The following FER1L6 variants were observed in gnomAD, a reference collection of about 807,000 sequenced individuals.
The protein encoded by FER1L6 is fer-1 like family member 6, also known as fer-1-like protein 6.
In FER1L6, 177 loss-of-function variants were observed where a neutral mutation model predicts 219.2. The observed-to-expected ratio is 0.81, with a 90% CI of 0.71 to 0.91. The LOEUF (loss-of-function observed/expected upper bound fraction) is 0.91, where lower values mean the gene tolerates loss of function less well. Among genes scored for constraint, FER1L6 ranks in the 40% least tolerant of loss-of-function variants. The probability of loss-of-function intolerance (pLI) is 0.00; values close to 1 mark genes in which losing one functional copy is unlikely to be tolerated. For missense variants in FER1L6, 2,153 were observed against 2,259.9 expected (o/e 0.95, Z 0.96); for synonymous variants, 768 against 824.3 (o/e 0.93, Z 1.17).
chr8:123,902,933 T>C (rs1056791297), intron 1 of FER1L6, among the ~76,000 whole-genome samples: 2 of 152,212 alleles, frequency 1.3e-5, no homozygotes, highest in African/African-American at 2.4e-5. Context: ...TTCTGTTTTG[T>C]TGTGTTTCCA....
intron 1 of FER1L6, among the ~76,000 whole-genome samples, chr8:123,927,941 C>T (rs1450079467): frequency 6.6e-6 from 1 of 151,966 alleles, no homozygotes; most frequent in East Asian, 1.9e-4. Context: ...GAAATGGATG[C>T]AATGTGCATA....
rs775118630 is a variant in FER1L6 at position 124,013,487 on chromosome 8, A to T, written c.1878A>T (p.Glu626Asp). 1 of 1,610,700 alleles carries T rather than the reference A, an allele frequency of 6.2e-7. No individual in the cohort carries two copies. The highest frequency in any genetic ancestry group is 1.1e-5 in the South Asian group (1 of 90,414). Residue 626 changes from glutamate (E) to aspartate (D), a missense_variant, in exon 15 of 41, where the codon GAA (glutamate) becomes GAT (aspartate). By Grantham distance (45) the Glu-to-Asp change is conservative. Coordinates refer to ENST00000522917, the MANE Select transcript of FER1L6 (RefSeq NM_001039112.2). ...TCAAGATTTCACAGGAGGCACCTGA[A>T]GAGAAAATGAAAACAGTGCTCAGTG... ...ELIKISQEAP[E>D]EKMKTVLSDF...
chr8:123,975,239 G>T lies in FER1L6; in HGVS notation c.616G>T (p.Val206Phe). ...TKGYLKCDIS[V>F]MGKGDVLKTS... is the part of the protein sequence containing the mutation. ...GGGGTACCTGAAATGTGACATCAGT[G>T]TCATGGGAAAAGGTGATGTCTTGAA... Residue 206 changes from valine (V) to phenylalanine (F), a missense_variant, in exon 8 of 41, where the codon GTC (valine) becomes TTC (phenylalanine). Coordinates refer to ENST00000522917, the MANE Select transcript of FER1L6 (RefSeq NM_001039112.2). 2 of 1,613,338 alleles carry T rather than the reference G, an allele frequency of 1.2e-6. No individual in the cohort carries two copies. Among genetic ancestry groups the T allele is most frequent in the East Asian group, 4.5e-5 (2 of 44,846 alleles).
At chr8:123,856,061 TGA>T (rs1816635037) in intron 1 of FER1L6, among the ~76,000 whole-genome samples, 2 of 127,032 alleles carry the variant, frequency 1.6e-5, no homozygotes, top group South Asian at 2.7e-4. Flanking sequence ...CATATGTGTA[TGA>T]GATATATGTA....
intron 39 of FER1L6, among the ~76,000 whole-genome samples, chr8:124,106,686 A>G (rs1822789843): frequency 6.6e-6 from 1 of 152,096 alleles, no homozygotes; most frequent in African/African-American, 2.4e-5. Context: ...CTTCCTGGGT[A>G]TCCTCAGCCT....
chr8:123,877,726 A>T (rs527588191), intron 1 of FER1L6, among the ~76,000 whole-genome samples: 1 of 152,098 alleles, frequency 6.6e-6, no homozygotes, highest in African/African-American at 2.4e-5. Context: ...ATGTATGTGA[A>T]ATACGCTTCC....
chr8:123,859,539 GCT>G (rs1816707407), intron 1 of FER1L6, among the ~76,000 whole-genome samples: 1 of 145,934 alleles, frequency 6.9e-6, no homozygotes, highest in Admixed American at 6.9e-5. Context: ...CCACCTTTCT[GCT>G]CTGTTTCTTT....
chr8:123,987,003 T>A (rs1384846209), intron 12 of FER1L6, among the ~76,000 whole-genome samples: 1 of 152,234 alleles, frequency 6.6e-6, no homozygotes, highest in East Asian at 1.9e-4. Context: ...CTCTTCGATA[T>A]ACTGACTTCC....
chr8:124,118,217 T>C (rs923325186), intron 39 of FER1L6, among the ~76,000 whole-genome samples: 1 of 152,198 alleles, frequency 6.6e-6, no homozygotes, highest in African/African-American at 2.4e-5. Context: ...TCTCACCCTT[T>C]GATAAATCAA....
chr8:124,058,943 C>T (rs1246923680), intron 22 of FER1L6: 1 of 152,206 alleles, frequency 6.6e-6, no homozygotes, highest in Non-Finnish European at 1.5e-5. Context: ...ATTAGCTTAA[C>T]CACATCTGCT....
chr8:123,964,103 T>C (rs1327839355), intron 3 of FER1L6, among the ~76,000 whole-genome samples: 1 of 152,188 alleles, frequency 6.6e-6, no homozygotes, highest in Non-Finnish European at 1.5e-5. Flanking sequence ...ATGGTAGCAA[T>C]GGCAGGGTTC....
At chr8:123,952,407 A>G (rs1814810194) in intron 1 of FER1L6, among the ~76,000 whole-genome samples, 2 of 152,210 alleles carry the variant, frequency 1.3e-5, no homozygotes, top group Admixed American at 1.3e-4. Flanking sequence ...TGCCTCATTT[A>G]ATGCTCTTAT....
intron 39 of FER1L6, among the ~76,000 whole-genome samples, chr8:124,114,491 C>A (rs191174860): frequency 3.5e-4 from 54 of 152,120 alleles, no homozygotes; most frequent in Middle Eastern, 6.8e-3. Context: ...TAAAAACCAA[C>A]CAACCAAAGA....
At position 124,101,280 on chromosome 8, in the gene FER1L6, T is replaced by G. The variant is rs755730895; in HGVS notation, c.5067T>G (p.Pro1689=). ...TAGAGAAGATGGAGTGTAAGACTCC[T>G]GCTGTGTTGGTGCTGCAGGTTTGGG... ...FSLEKMECKT[P]AVLVLQVWDF... Residue 1689 remains proline (P), a synonymous_variant, in exon 38 of 41, where the codon CCT becomes CCG. Coordinates refer to ENST00000522917, the MANE Select transcript of FER1L6 (RefSeq NM_001039112.2). The G allele has an allele frequency of 1.2e-6, 2 of 1,613,514 alleles. No homozygotes were observed. The highest frequency in any genetic ancestry group is 1.7e-6 in the Non-Finnish European group (2 of 1,179,652).
intron 5 of FER1L6, among the ~76,000 whole-genome samples, chr8:123,969,272 A>T (rs1234522206): frequency 2.6e-5 from 4 of 152,202 alleles, no homozygotes; most frequent in African/African-American, 9.7e-5. Flanking sequence ...CTTAATATTA[A>T]AAATCCTCAT....
At chr8:123,956,199 C>T in intron 2 of FER1L6, 125 bp downstream of exon 2, 2 of 847,538 alleles carry the variant, frequency 2.4e-6, no homozygotes, top group Non-Finnish European at 3.8e-6. Context: ...CTGCCCCCGA[C>T]CCTTTAGGTC....
intron 38 of FER1L6, among the ~76,000 whole-genome samples, chr8:124,102,101 CA>C (rs1216284305): frequency 6.6e-6 from 1 of 152,136 alleles, no homozygotes; most frequent in Non-Finnish European, 1.5e-5. Context: ...GATAGATTAT[CA>C]GACTTGAAGA....
intron 11 of FER1L6, chr8:123,984,829 G>A (rs1349192455): frequency 1.3e-5 from 2 of 152,164 alleles, no homozygotes; most frequent in Admixed American, 1.3e-4. Flanking sequence ...ACTCAATGGA[G>A]CTCTTGATCC....
chr8:123,975,403 C>G, intron 8 of FER1L6, 97 bp downstream of exon 8: 9 of 1,180,330 alleles, frequency 7.6e-6, no homozygotes, highest in Non-Finnish European at 1.1e-5. Flanking sequence ...TACATGAGAA[C>G]CATGCTTCTT....
Sources: allele counts gnomAD v4.1 joint callset (sites outside exome capture counted in the v4.1 genomes callset), GRCh38; gene constraint gnomAD v4.1.1; transcripts MANE v1.5; gene names NCBI Gene and HGNC (gene_info 2026-07-23, HGNC 2026-07-21).